Variants in PPARG observed in about 807,000 individuals in gnomAD.
The protein encoded by PPARG is peroxisome proliferator-activated receptor gamma.
In PPARG, 17 loss-of-function variants were observed where a neutral mutation model predicts 39.2. The ratio of observed to expected loss-of-function variants is 0.43; its 90% CI spans 0.30 to 0.65. The LOEUF is 0.65. PPARG is among the 30% of genes least tolerant of loss of function. PPARG has a pLI of 0.13. For synonymous variants in PPARG, 223 were observed against 215.7 expected (o/e 1.03, Z -0.30); for missense variants, 406 against 585.9 (o/e 0.69, Z 3.17).
chr3:12,401,899 T>A (rs2050488552), intron 5 of PPARG, among the ~76,000 whole-genome samples: 1 of 152,222 alleles, frequency 6.6e-6, no homozygotes, highest in African/African-American at 2.4e-5. Flanking sequence ...TTTAGTGAGA[T>A]TATAGCAGAG....
At chr3:12,334,482 C>T (rs1336267222) in intron 2 of PPARG, among the ~76,000 whole-genome samples, 1 of 152,038 alleles carries the variant, frequency 6.6e-6, no homozygotes, top group African/African-American at 2.4e-5. Flanking sequence ...CCACCCTCCT[C>T]GGCCTCCCAA....
Position 12,406,038 on chromosome 3 carries a change from C to T in PPARG, c.686C>T (p.Ala229Val), listed in dbSNP as rs903976924. The change falls in exon 6 of 8, where the codon GCA (alanine) becomes GTA (valine). Residue 229 changes from alanine to valine, a missense_variant. Coordinates refer to ENST00000651735, the MANE Select transcript of PPARG (RefSeq NM_138711.6). ...ATAAAGTCCTTCCCGCTGACCAAAG[C>T]AAAGGCGAGGGCGATCTTGACAGGA... Reference protein sequence around the residue: ...SYIKSFPLTKAKARAILTGKT... With the variant: ...SYIKSFPLTKVKARAILTGKT... 5 of 1,613,996 alleles carry T rather than the reference C, an allele frequency of 3.1e-6. No individual in the cohort carries two copies. The highest frequency in any genetic ancestry group is 4.2e-6 in the Non-Finnish European group (5 of 1,180,018).
chr3:12,414,081 T>G (rs2050976758), intron 6 of PPARG, among the ~76,000 whole-genome samples: 1 of 152,206 alleles, frequency 6.6e-6, no homozygotes, highest in African/African-American at 2.4e-5. Flanking sequence ...AAGGGTGATT[T>G]ATCAGGGCAT....
intron 2 of PPARG, among the ~76,000 whole-genome samples, chr3:12,325,611 AAAT>A (rs1210074912): frequency 2.0e-5 from 3 of 151,810 alleles, no homozygotes; most frequent in Admixed American, 2.0e-4. Context: ...AAAAAAAAAT[AAAT>A]AAATAAATAA....
chr3:12,334,742 G>GC (rs34034515), intron 2 of PPARG, among the ~76,000 whole-genome samples: 1 of 151,992 alleles, frequency 6.6e-6, no homozygotes, highest in African/African-American at 2.4e-5. Context: ...TTTAGTCAAA[G>GC]CCCCCCTGTC....
intron 2 of PPARG, among the ~76,000 whole-genome samples, chr3:12,337,171 A>G (rs564903751): frequency 3.9e-5 from 6 of 152,348 alleles, no homozygotes; most frequent in South Asian, 4.1e-4. Context: ...GTGCCAACCA[A>G]TAGAAATATC....
intron 2 of PPARG, among the ~76,000 whole-genome samples, chr3:12,349,672 A>G (rs933875464): frequency 3.3e-5 from 5 of 152,332 alleles, no homozygotes; most frequent in South Asian, 2.1e-4. Context: ...TGTTGAACAA[A>G]CAAATGCATG....
At chr3:12,422,881 CAAAAAA>C (rs11287877) in intron 7 of PPARG, among the ~76,000 whole-genome samples, 1 of 140,966 alleles carries the variant, frequency 7.1e-6, no homozygotes, top group African/African-American at 2.6e-5. Context: ...GATCCTGTCT[CAAAAAA>C]AAAAAAGAAA....
Position 12,433,902 on chromosome 3 carries a change from C to T in PPARG, c.1185C>T (p.Arg395=). ...TTTCCATATGTGCTTCCCCAGACCG[C>T]CCAGGTTTGCTGAATGTGAAGCCCA... is the stretch of plus-strand genomic sequence containing the variant. ...FIAVIILSGD[R]PGLLNVKPIE... Residue 395 remains arginine, a synonymous_variant, in exon 8 of 8, where the codon CGC becomes CGT. Coordinates refer to ENST00000651735, the MANE Select transcript of PPARG (RefSeq NM_138711.6). The T allele has an allele frequency of 6.2e-7, 1 of 1,614,152 alleles. No homozygotes were observed. Among genetic ancestry groups the T allele is most frequent in the African/African-American group, 1.3e-5 (1 of 75,058 alleles).
chr3:12,417,189 G>A (rs992146630), intron 7 of PPARG, 35 bp downstream of exon 7: 1 of 1,603,404 alleles, frequency 6.2e-7, no homozygotes, highest in Non-Finnish European at 8.5e-7. Flanking sequence ...ATGAAAGAGG[G>A]TGGGATGATG....
intron 2 of PPARG, among the ~76,000 whole-genome samples, chr3:12,324,593 T>C (rs1176982385): frequency 1.3e-5 from 2 of 152,164 alleles, no homozygotes; most frequent in East Asian, 3.8e-4. Context: ...TGAGACAAAC[T>C]GATCTTTTAG....
At chr3:12,372,549 T>C (rs1193221767) in intron 2 of PPARG, among the ~76,000 whole-genome samples, 2 of 152,208 alleles carry the variant, frequency 1.3e-5, no homozygotes, top group African/African-American at 4.8e-5. Context: ...TTTAGTGTCC[T>C]GTTAGTATTA....
intron 6 of PPARG, among the ~76,000 whole-genome samples, chr3:12,414,497 T>A (rs1202057721): frequency 6.6e-6 from 1 of 152,030 alleles, no homozygotes. Flanking sequence ...AAGTAAATAT[T>A]TCATTAATAT....
intron 2 of PPARG, among the ~76,000 whole-genome samples, chr3:12,374,718 G>C (rs1004374710): frequency 6.6e-6 from 1 of 152,088 alleles, no homozygotes; most frequent in Non-Finnish European, 1.5e-5. Flanking sequence ...GTTATAGCAG[G>C]TATACTACAC....
intron 6 of PPARG, among the ~76,000 whole-genome samples, chr3:12,416,391 CAAAT>C (rs2051056497): frequency 1.3e-5 from 2 of 150,382 alleles, no homozygotes; most frequent in South Asian, 4.2e-4. Context: ...AACAAACAAA[CAAAT>C]AATATAAAAA....
intron 6 of PPARG, among the ~76,000 whole-genome samples, chr3:12,415,909 C>T (rs2125281761): frequency 6.6e-6 from 1 of 151,814 alleles, no homozygotes; most frequent in South Asian, 2.1e-4. Context: ...TGAAGGAGAA[C>T]AAAGGAAAAG....
chr3:12,350,660 A>G (rs151188547), intron 2 of PPARG, among the ~76,000 whole-genome samples: 36 of 152,338 alleles, frequency 2.4e-4, no homozygotes, highest in African/African-American at 7.5e-4. Context: ...TTTCCTGATT[A>G]CAAAACTGAC....
rs373188849 is a variant in PPARG at position 12,356,057 on chromosome 3, A to G, written c.-8-23647A>G. Among the ~76,000 whole-genome samples the G allele has an allele frequency of 4.6e-5, 7 of 152,352 alleles. No individual in the cohort carries two copies. In the East Asian group the frequency reaches 1.3e-3, roughly 29 times the overall value. ...TATCTTAGATCAACAAAAGTGATAC[A>G]GAGCTTCTGTCCTGTTAGCTCCCTT... On this transcript the variant is annotated intron_variant, in intron 2 of 7. Transcript: ENST00000651735.
At chr3:12,368,022 A>G (rs1343945390) in intron 2 of PPARG, among the ~76,000 whole-genome samples, 1 of 152,124 alleles carries the variant, frequency 6.6e-6, no homozygotes, top group African/African-American at 2.4e-5. Context: ...GGAATGTTTC[A>G]ATCTCAAAGC....
Sources: gnomAD v4.1 joint callset for allele counts (sites outside exome capture counted in the v4.1 genomes callset) on GRCh38, gnomAD v4.1.1 for gene constraint, MANE v1.5 for transcripts, NCBI Gene and HGNC (gene_info 2026-07-23, HGNC 2026-07-21) for gene names.